Variants in EYA4 observed in about 807,000 individuals in gnomAD.
EYA4 encodes the protein protein phosphatase EYA4.
Under a neutral mutation model 87.9 loss-of-function variants are expected in EYA4, and 31 were observed. That is an observed-to-expected ratio of 0.35 (90% CI 0.27 to 0.48). EYA4 has a LOEUF of 0.48. Among genes scored for constraint, EYA4 ranks in the 20% least tolerant of loss-of-function variants. The probability of loss-of-function intolerance (pLI) is 0.99; values close to 1 mark genes in which losing one functional copy is unlikely to be tolerated. For missense variants in EYA4, 678 were observed against 761.4 expected (o/e 0.89, Z 1.29); for synonymous variants, 263 against 270.6 (o/e 0.97, Z 0.28).
At chr6:133,445,524 G>A (rs190096133) in intron 3 of EYA4, among the ~76,000 whole-genome samples, 1 of 148,910 alleles carries the variant, frequency 6.7e-6, no homozygotes, top group Non-Finnish European at 1.5e-5. Context: ...GAAAGCATGT[G>A]TAGCTTCTTT....
At chr6:133,300,648 G>A (rs770882259) in intron 2 of EYA4, among the ~76,000 whole-genome samples, 2 of 152,056 alleles carry the variant, frequency 1.3e-5, no homozygotes, top group Non-Finnish European at 2.9e-5. Flanking sequence ...CCGAGTTGGT[G>A]GGACTACAGG....
intron 3 of EYA4, among the ~76,000 whole-genome samples, chr6:133,425,233 G>A (rs746284998): frequency 1.1e-4 from 17 of 150,644 alleles, no homozygotes; most frequent in Non-Finnish European, 1.8e-4. Flanking sequence ...ATCCCTGTTA[G>A]TATTGTAATC....
intron 10 of EYA4, among the ~76,000 whole-genome samples, chr6:133,466,816 G>T (rs1182628561): frequency 6.6e-6 from 1 of 151,790 alleles, no homozygotes; most frequent in Non-Finnish European, 1.5e-5. Context: ...GCATGAGGGG[G>T]AAGTGGGGAA....
chr6:133,410,283 C>T (rs971367631), intron 3 of EYA4, among the ~76,000 whole-genome samples: 9 of 151,886 alleles, frequency 5.9e-5, no homozygotes, highest in African/African-American at 9.7e-5. Flanking sequence ...GTAAAATGTT[C>T]GTGTAAAGTA....
At position 133,371,656 on chromosome 6, in the gene EYA4, A is replaced by C. The variant is rs12209771; in HGVS notation, c.34-10736A>C. ...ATAAATTACTCTCGTTAGCAGTTTC[A>C]AAATTGTATGATCTAACTTTTTGAT... On this transcript the variant is annotated intron_variant, in intron 2 of 19. Transcript: ENST00000355286. Among the ~76,000 whole-genome samples the C allele has an allele frequency of 7.4e-3, 1,121 of 152,236 alleles. 10 individuals carry two copies. The highest frequency in any genetic ancestry group is 0.01 in the Admixed American group (156 of 15,296).
At chr6:133,380,888 TCCCTC>T (rs1016792122) in intron 2 of EYA4, among the ~76,000 whole-genome samples, 45 of 145,024 alleles carry the variant, frequency 3.1e-4, no homozygotes, top group African/African-American at 9.2e-4. Flanking sequence ...TTCTTCTTCT[TCCCTC>T]CCCTCCCCTC....
chr6:133,285,083 A>G (rs1450963760), intron 2 of EYA4, among the ~76,000 whole-genome samples: 5 of 148,864 alleles, frequency 3.4e-5, no homozygotes, highest in Admixed American at 1.4e-4. Flanking sequence ...TGCAAGCTCC[A>G]CCTCCCGGGT....
Position 133,417,268 on chromosome 6 carries a change from G to T in EYA4, c.84-29362G>T, listed in dbSNP as rs143744101. 4.5e-3 allele frequency among the ~76,000 whole-genome samples: 681 copies of T among 152,226 alleles called. 12 individuals carry two copies. Among genetic ancestry groups the T allele is most frequent in the African/African-American group, 0.015 (636 of 41,538 alleles). On this transcript the variant is annotated intron_variant, in intron 3 of 19. Transcript: ENST00000355286. The stretch of plus-strand genomic sequence containing the variant: ...CCAACACTAGACGTTAACTTCTTGG[G>T]TCATTGGGTCACACTTTGGTTCTCT...
In EYA4 at chr6:133,285,082, C is replaced by T. The variant is rs187293974; in HGVS notation, c.33+10269C>T. On this transcript the variant is annotated intron_variant, in intron 2 of 19. Coordinates refer to ENST00000355286, the MANE Select transcript of EYA4 (RefSeq NM_004100.5). Reference sequence around the variant, plus strand: ...CGCGAGCTCGGCTCACTGCAAGCTCCACCTCCCGGGTTCACGCCATTCTCC... The same window carrying T: ...CGCGAGCTCGGCTCACTGCAAGCTCTACCTCCCGGGTTCACGCCATTCTCC... Among the ~76,000 whole-genome samples the T allele has an allele frequency of 3.2e-3, 487 of 150,514 alleles. 4 individuals carry two copies. The highest frequency in any genetic ancestry group is 0.011 in the African/African-American group (469 of 41,338).
intron 2 of EYA4, among the ~76,000 whole-genome samples, chr6:133,279,781 C>T (rs752424422): frequency 6.6e-6 from 1 of 152,122 alleles, no homozygotes; most frequent in Non-Finnish European, 1.5e-5. Context: ...ATCTTTAAAA[C>T]GTGTACTCCT....
At chr6:133,381,084 T>C (rs1368548413) in intron 2 of EYA4, among the ~76,000 whole-genome samples, 8 of 146,726 alleles carry the variant, frequency 5.5e-5, no homozygotes, top group Non-Finnish European at 7.5e-5. Flanking sequence ...TCTTTTTTTT[T>C]TTTTTTTTTG....
chr6:133,458,780 A>G (rs17062574), intron 6 of EYA4, among the ~76,000 whole-genome samples: 2,356 of 152,232 alleles, frequency 0.015, 68 homozygotes, highest in African/African-American at 0.052. Flanking sequence ...AGATGGCACG[A>G]TAATGAGAAT....
chr6:133,440,414 G>T (rs1364240177), intron 3 of EYA4, among the ~76,000 whole-genome samples: 2 of 152,070 alleles, frequency 1.3e-5, no homozygotes, highest in Non-Finnish European at 2.9e-5. Flanking sequence ...AAATGAAAAA[G>T]AATCTTGTTA....
intron 13 of EYA4, among the ~76,000 whole-genome samples, chr6:133,488,020 C>G (rs879942491): frequency 6.6e-5 from 10 of 152,104 alleles, no homozygotes; most frequent in Non-Finnish European, 1.3e-4. Flanking sequence ...GAAGGGAGAG[C>G]CCTAGGCATG....
intron 3 of EYA4, among the ~76,000 whole-genome samples, chr6:133,422,411 A>G (rs1457221330): frequency 1.3e-5 from 2 of 152,352 alleles, no homozygotes; most frequent in African/African-American, 4.8e-5. Context: ...ATCTAAGATT[A>G]TATTCTTTAT....
At chr6:133,250,820 A>G (rs1774835172) in intron 1 of EYA4, among the ~76,000 whole-genome samples, 1 of 152,158 alleles carries the variant, frequency 6.6e-6, no homozygotes, top group Admixed American at 6.5e-5. Context: ...TTCAATGAGT[A>G]AATATATGTA....
chr6:133,285,979 C>T (rs1359013387), intron 2 of EYA4, among the ~76,000 whole-genome samples: 1 of 152,188 alleles, frequency 6.6e-6, no homozygotes, highest in African/African-American at 2.4e-5. Flanking sequence ...AACCCTCTTT[C>T]ATACCCCTCT....
Position 133,481,491 on chromosome 6 carries a change from C to A in EYA4, c.999C>A (p.Ser333=), listed in dbSNP as rs894683876. The A allele has an allele frequency of 4.3e-6, 7 of 1,613,750 alleles. No individual in the cohort carries two copies. The Admixed American group carries it at 8.3e-5, about 19-fold the overall frequency. Residue 333 remains serine, a synonymous_variant, in exon 12 of 20, where the codon TCC becomes TCA. Coordinates refer to ENST00000355286, the MANE Select transcript of EYA4 (RefSeq NM_004100.5). ...PGEFDTMQSP[S]TPIKDLDERT... ...AGTTCGATACCATGCAGAGTCCCTCCACACCCATCAAAGATCTTGATGAGA... is the reference window on the plus strand; with the variant it reads ...AGTTCGATACCATGCAGAGTCCCTCAACACCCATCAAAGATCTTGATGAGA...
intron 1 of EYA4, among the ~76,000 whole-genome samples, chr6:133,271,121 T>A (rs1291173972): frequency 1.3e-5 from 2 of 152,212 alleles, no homozygotes; most frequent in African/African-American, 4.8e-5. Context: ...ACTTCCACCC[T>A]TGATTCGTGA....
Sources: allele counts gnomAD v4.1 joint callset (sites outside exome capture counted in the v4.1 genomes callset), GRCh38; gene constraint gnomAD v4.1.1; transcripts MANE v1.5; gene names NCBI Gene and HGNC (gene_info 2026-07-23, HGNC 2026-07-21).